UGT2A3: variants seen among roughly 807,000 people sequenced by gnomAD.
UGT2A3 encodes UDP-glucuronosyltransferase 2A3.
UGT2A3 carries 55 observed loss-of-function variants against 44.1 expected under a neutral mutation model. That is an observed-to-expected ratio of 1.25 (90% CI 1.00 to 1.56). UGT2A3 has a LOEUF of 1.56. Among genes scored for constraint, UGT2A3 ranks in the 40% most tolerant of loss-of-function variants. The probability of loss-of-function intolerance (pLI) is 0.00; values close to 1 mark genes in which losing one functional copy is unlikely to be tolerated. For synonymous variants in UGT2A3, 243 were observed against 215.1 expected, an observed-to-expected ratio of 1.13 and a Z score of -1.13; for missense variants, 733 against 621.6, an observed-to-expected ratio of 1.18 and a Z score of -1.91.
intron 2 of UGT2A3, among the ~76,000 whole-genome samples, chr4:68,934,145 A>G (rs1381666083): frequency 1.3e-5 from 2 of 152,028 alleles, no homozygotes; most frequent in African/African-American, 4.8e-5. Context: ...TCCGACATCA[A>G]ATTCACAATA....
At chr4:68,937,740 G>A (rs954316265) in intron 2 of UGT2A3, among the ~76,000 whole-genome samples, 15 of 151,744 alleles carry the variant, frequency 9.9e-5, no homozygotes, top group South Asian at 6.2e-4. Flanking sequence ...ATAGGGACAC[G>A]AAAAACCCTT....
chr4:68,943,355 G>C (rs1264296668), intron 2 of UGT2A3: 1 of 1,262,486 alleles, frequency 7.9e-7, no homozygotes, highest in South Asian at 1.3e-5. Flanking sequence ...GCTTAAGAGA[G>C]CTTGGTTTTC....
chr4:68,943,241 G>A, intron 2 of UGT2A3: 4 of 845,472 alleles, frequency 4.7e-6, no homozygotes, highest in Non-Finnish European at 6.5e-6. Flanking sequence ...GTGTAAAACT[G>A]GGAGTGTGGG....
chr4:68,948,148 A>C (rs1718448973), intron 1 of UGT2A3, among the ~76,000 whole-genome samples: 1 of 151,834 alleles, frequency 6.6e-6, no homozygotes, highest in African/African-American at 2.4e-5. Context: ...TTAGGTCTAC[A>C]TTGAAAATCA....
chr4:68,931,237 T>A lies in UGT2A3; in HGVS notation c.1002A>T (p.Leu334Phe). Reference protein sequence around the residue: ...SALAQIPQKVLWRYKGKKPST... With the variant: ...SALAQIPQKVFWRYKGKKPST... ...ATGGTTTTTTTCCTTTGTACCTCCA[T>A]AACACCTACGGAAGAAACACATGTA... The change falls in exon 4 of 6, where the codon TTA (leucine) becomes TTT (phenylalanine). Residue 334 changes from leucine to phenylalanine, a missense_variant. Transcript: ENST00000251566. 6.2e-7 allele frequency: 1 copy of A among 1,612,288 alleles called. No homozygotes were observed. Among genetic ancestry groups the A allele is most frequent in the Non-Finnish European group, 8.5e-7 (1 of 1,178,916 alleles).
In UGT2A3 at chr4:68,931,775, T is replaced by C. The variant is rs192853813; in HGVS notation, c.997-533A>G. The stretch of plus-strand genomic sequence containing the variant: ...GAAGAATGAGCTAGAAAATTACTTA[T>C]GTTCCACTGTTCAATGATAAATTTT... On this transcript the variant is annotated intron_variant, in intron 3 of 5. Coordinates refer to ENST00000251566, the MANE Select transcript of UGT2A3 (RefSeq NM_024743.4). Among the ~76,000 whole-genome samples the C allele has an allele frequency of 6.6e-5, 10 of 152,168 alleles. No homozygotes were observed. The East Asian group carries it at 1.5e-3, about 24-fold the overall frequency.
chr4:68,929,569 T>C lies in UGT2A3; in HGVS notation c.*244A>G, dbSNP rs994541402. The C allele has an allele frequency of 1.1e-5, 4 of 355,000 alleles. No homozygotes were observed. Among genetic ancestry groups the C allele is most frequent in the Non-Finnish European group, 2.0e-5 (4 of 195,328 alleles). 22.0% of individuals were successfully genotyped at this position (355,000 alleles called of 1,614,324 possible). A position where few individuals can be genotyped will look rare whatever the true frequency, so the allele number is the denominator to read the frequency against. Reference sequence around the variant, plus strand: ...ATCATCAAAACAGTCATATCAGAAATAGGAAAATTTAGATGTATTCATGTC... The same window carrying C: ...ATCATCAAAACAGTCATATCAGAAACAGGAAAATTTAGATGTATTCATGTC... On this transcript the variant is annotated 3_prime_UTR_variant, in exon 6 of 6. Coordinates refer to ENST00000251566, the MANE Select transcript of UGT2A3 (RefSeq NM_024743.4).
chr4:68,945,497 A>G (rs1005166554), intron 1 of UGT2A3, 43 bp from the exon 2 acceptor site: 8 of 1,499,072 alleles, frequency 5.3e-6, no homozygotes, highest in East Asian at 4.7e-5. Flanking sequence ...TACAATTCAA[A>G]TAAAAAATTG....
intron 5 of UGT2A3, 73 bp from the exon 6 acceptor site, chr4:68,930,165 G>T (rs1030898751): frequency 1.4e-6 from 2 of 1,452,878 alleles, no homozygotes; most frequent in Non-Finnish European, 1.9e-6. Context: ...TAGATAAACC[G>T]TAGTATATGT....
Position 68,951,408 on chromosome 4 carries a change from C to T in UGT2A3, c.353G>A (p.Arg118Lys). The T allele has an allele frequency of 6.2e-7, 1 of 1,611,610 alleles. No individual in the cohort carries two copies. Among genetic ancestry groups the T allele is most frequent in the Non-Finnish European group, 8.5e-7 (1 of 1,179,036 alleles). Residue 118 changes from arginine to lysine, a missense_variant, in exon 1 of 6, where the codon AGA (arginine) becomes AAA (lysine). Physicochemically the swap from Arg to Lys is conservative, Grantham distance 26 (BLOSUM62 2). Transcript: ENST00000251566. ...IKLNDFFVEI[R>K]GTLKMMCESF... ...CTCACACATCATTTTTAAAGTTCCT[C>T]TTATTTCAACAAAAAAATCATTTAA...
At chr4:68,937,665 A>G (rs1577849315) in intron 2 of UGT2A3, among the ~76,000 whole-genome samples, 1 of 152,238 alleles carries the variant, frequency 6.6e-6, no homozygotes, top group East Asian at 1.9e-4. Flanking sequence ...GAGAAGCAAG[A>G]GCAAATACAT....
In UGT2A3 at chr4:68,931,172, G is replaced by T; in HGVS notation, c.1067C>A (p.Pro356His). Residue 356 changes from proline (P) to histidine (H), a missense_variant, in exon 4 of 6, where the codon CCC becomes CAC. Transcript: ENST00000251566. ...GANTRLYDWI[P>H]QNDLLGHPKT... ...AGACCTACCAAGAAGATCATTCTGGGGTATCCAATCATACAGCCGAGTATT... is the reference window on the plus strand; with the variant it reads ...AGACCTACCAAGAAGATCATTCTGGTGTATCCAATCATACAGCCGAGTATT... The T allele has an allele frequency of 1.2e-6, 2 of 1,612,282 alleles. No individual in the cohort carries two copies. The highest frequency in any genetic ancestry group is 8.5e-7 in the Non-Finnish European group (1 of 1,178,978).
At chr4:68,937,702 A>G (rs774380183) in intron 2 of UGT2A3, among the ~76,000 whole-genome samples, 5 of 152,182 alleles carry the variant, frequency 3.3e-5, no homozygotes, top group Non-Finnish European at 5.9e-5. Flanking sequence ...GACAAGAATT[A>G]ACTAAGATCA....
At chr4:68,937,746 C>T (rs1301223479) in intron 2 of UGT2A3, among the ~76,000 whole-genome samples, 1 of 151,944 alleles carries the variant, frequency 6.6e-6, no homozygotes. Context: ...ACACGAAAAA[C>T]CCTTCAACAA....
In UGT2A3 at chr4:68,951,516, T is replaced by A; in HGVS notation, c.245A>T (p.Asp82Val). The A allele has an allele frequency of 6.2e-7, 1 of 1,612,922 alleles. No individual in the cohort carries two copies. The highest frequency in any genetic ancestry group is 8.5e-7 in the Non-Finnish European group (1 of 1,179,382). ...AAATATTTCATTTTCTTCTGTTCTG[T>A]CCTGTGGCATATGGACCACCTCAAA... ...LKFEVVHMPQ[D>V]RTEENEIFVD... Residue 82 changes from aspartate (D) to valine (V), a missense_variant, in exon 1 of 6, where the codon GAC becomes GTC. Transcript: ENST00000251566.
rs776868120 is a variant in UGT2A3 at position 68,945,348 on chromosome 4, A to G, written c.822T>C (p.Phe274=). Residue 274 remains phenylalanine (F), a synonymous_variant, in exon 2 of 6, where the codon TTT becomes TTC. Transcript: ENST00000251566. ...FPQPYQPNFE[F]VGGLHCKPAK... ...CAGGTTTACAGTGCAATCCTCCAAC[A>G]AACTCAAAGTTAGGTTGGTATGGTT... 1 of 1,611,560 alleles carries G rather than the reference A, an allele frequency of 6.2e-7. No individual in the cohort carries two copies. Among genetic ancestry groups the G allele is most frequent in the Non-Finnish European group, 8.5e-7 (1 of 1,178,516 alleles).
Position 68,941,574 on chromosome 4 carries a change from T to A in UGT2A3, c.864+3732A>T, listed in dbSNP as rs146833918. ...GGAGGAATGATTTGTGACATTGGTC[T>A]AGGCAAGGATTTTTTTGGATAGGAC... On this transcript the variant is annotated intron_variant, in intron 2 of 5. Transcript: ENST00000251566. Among the ~76,000 whole-genome samples the A allele has an allele frequency of 4.6e-5, 7 of 152,048 alleles. No homozygotes were observed. The East Asian group carries it at 1.4e-3, about 30-fold the overall frequency.
In UGT2A3 at chr4:68,945,702, G is replaced by GGGAAGGATGGAAAGAA. The variant is rs1204703567; in HGVS notation, c.716-264_716-249dup. The stretch of plus-strand genomic sequence containing the variant: ...AAGGAAGGAAGGAAGGATGGAGGGA[G>GGGAAGGATGGAAAGAA]GGAAGGATGGAAAGAAGGAAGGAAG... On this transcript the variant is annotated intron_variant, in intron 1 of 5. Transcript: ENST00000251566. Among the ~76,000 whole-genome samples, 95 of 133,734 alleles carry GGGAAGGATGGAAAGAA rather than the reference G, an allele frequency of 7.1e-4. No homozygotes were observed. The East Asian group carries it at 0.019, about 26-fold the overall frequency. 87.7% of individuals were successfully genotyped at this position (133,734 alleles called of 152,430 possible).
intron 2 of UGT2A3, among the ~76,000 whole-genome samples, chr4:68,935,645 G>T (rs752733645): frequency 6.6e-6 from 1 of 151,970 alleles, no homozygotes; most frequent in Admixed American, 6.6e-5. Context: ...AAAGCAGAGC[G>T]CCACTACTCC....
Sources: allele counts gnomAD v4.1 joint callset (sites outside exome capture counted in the v4.1 genomes callset), GRCh38; gene constraint gnomAD v4.1.1; transcripts MANE v1.5; gene names NCBI Gene and HGNC (gene_info 2026-07-23, HGNC 2026-07-21).